CACNB4: variants seen among roughly 807,000 people sequenced by gnomAD.
The protein encoded by CACNB4 is calcium voltage-gated channel auxiliary subunit beta 4.
In CACNB4, 32 loss-of-function variants were observed where a neutral mutation model predicts 71.2. The ratio of observed to expected loss-of-function variants is 0.45; its 90% confidence interval spans 0.34 to 0.60. The LOEUF (loss-of-function observed/expected upper bound fraction) is 0.60, where lower values mean the gene tolerates loss of function less well. Among genes scored for constraint, CACNB4 ranks in the 20% least tolerant of loss-of-function variants. The probability of loss-of-function intolerance (pLI) is 0.01; values close to 1 mark genes in which losing one functional copy is unlikely to be tolerated. For missense variants in CACNB4, 464 were observed against 647.9 expected, an observed-to-expected ratio of 0.72 and a Z score of 3.08; for synonymous variants, 231 against 236.9, an observed-to-expected ratio of 0.97 and a Z score of 0.23.
chr2:152,013,768 G>A (rs2105080418), intron 2 of CACNB4, among the ~76,000 whole-genome samples: 1 of 152,326 alleles, frequency 6.6e-6, no homozygotes, highest in South Asian at 2.1e-4. Flanking sequence ...CTGGTAAGGA[G>A]GCTCACTCTG....
intron 2 of CACNB4, among the ~76,000 whole-genome samples, chr2:152,007,463 T>C (rs1279896665): frequency 1.3e-5 from 2 of 152,266 alleles, no homozygotes; most frequent in Non-Finnish European, 2.9e-5. Context: ...AGTGGAACCA[T>C]AAAACATTCT....
At chr2:151,996,073 C>A (rs1682025408) in intron 2 of CACNB4, among the ~76,000 whole-genome samples, 1 of 152,204 alleles carries the variant, frequency 6.6e-6, no homozygotes, top group South Asian at 2.1e-4. Flanking sequence ...CAAACACCAG[C>A]ACCAGACATG....
chr2:151,895,099 CACACACACA>C (rs2099851699), intron 2 of CACNB4, among the ~76,000 whole-genome samples: 6 of 19,160 alleles, frequency 3.1e-4, no homozygotes, highest in African/African-American at 1.4e-3. Flanking sequence ...AATAGCCCCA[CACACACACA>C]CACACACACA....
intron 2 of CACNB4, among the ~76,000 whole-genome samples, chr2:151,921,113 A>G (rs1024899858): frequency 1.3e-5 from 2 of 151,594 alleles, no homozygotes; most frequent in African/African-American, 4.8e-5. Context: ...CTCCAGCCTG[A>G]GCAACAGAGC....
intron 2 of CACNB4, among the ~76,000 whole-genome samples, chr2:152,043,418 G>C (rs576947563): frequency 6.6e-6 from 1 of 152,212 alleles, no homozygotes; most frequent in Non-Finnish European, 1.5e-5. Flanking sequence ...AAATTCCTGG[G>C]CTCAGGGATC....
At chr2:152,079,331 G>A (rs1026512456) in intron 2 of CACNB4, among the ~76,000 whole-genome samples, 11 of 151,830 alleles carry the variant, frequency 7.2e-5, no homozygotes, top group Admixed American at 2.6e-4. Context: ...CTCGTGATCC[G>A]CCTGCCTCAG....
intron 2 of CACNB4, among the ~76,000 whole-genome samples, chr2:152,013,977 AG>A (rs1319990754): frequency 6.6e-6 from 1 of 152,200 alleles, no homozygotes; most frequent in Non-Finnish European, 1.5e-5. Flanking sequence ...CACCTTTCCT[AG>A]CTGGCTGGGA....
intron 2 of CACNB4, among the ~76,000 whole-genome samples, chr2:152,041,087 A>G (rs751898334): frequency 2.0e-5 from 3 of 152,188 alleles, no homozygotes; most frequent in Non-Finnish European, 4.4e-5. Flanking sequence ...AAACACCATT[A>G]GGCCATTAGG....
intron 2 of CACNB4, among the ~76,000 whole-genome samples, chr2:151,947,190 T>G (rs971894636): frequency 3.3e-5 from 5 of 152,200 alleles, no homozygotes; most frequent in Non-Finnish European, 5.9e-5. Context: ...CGTCATCCTG[T>G]AACACAGGGT....
intron 2 of CACNB4, among the ~76,000 whole-genome samples, chr2:151,961,390 A>G (rs1001013233): frequency 3.3e-5 from 5 of 152,208 alleles, no homozygotes; most frequent in South Asian, 2.1e-4. Flanking sequence ...CAAAACTAAC[A>G]TTTAAATCTT....
chr2:152,090,615 CCT>C (rs1687915104), intron 2 of CACNB4, among the ~76,000 whole-genome samples: 1 of 150,680 alleles, frequency 6.6e-6, no homozygotes, highest in East Asian at 2.0e-4. Context: ...TGCACTCCAG[CCT>C]GGGCAACAAC....
At chr2:151,942,513 G>A (rs1578895679) in intron 2 of CACNB4, among the ~76,000 whole-genome samples, 1 of 148,728 alleles carries the variant, frequency 6.7e-6, no homozygotes, top group Non-Finnish European at 1.5e-5. Context: ...AAATAACAGC[G>A]ATTTTTAGGG....
At chr2:151,874,910 G>A in intron 5 of CACNB4, 1 of 399,048 alleles carries the variant, frequency 2.5e-6, no homozygotes, top group Non-Finnish European at 4.4e-6. Context: ...CTCACTAGAG[G>A]TTGATTCACC....
chr2:151,963,781 T>A (rs1012275963), intron 2 of CACNB4, among the ~76,000 whole-genome samples: 2 of 152,284 alleles, frequency 1.3e-5, no homozygotes, highest in Non-Finnish European at 2.9e-5. Context: ...TGTAAAAGAA[T>A]GTTGGGCCAG....
At chr2:152,049,699 A>C (rs1000950948) in intron 2 of CACNB4, among the ~76,000 whole-genome samples, 1 of 152,112 alleles carries the variant, frequency 6.6e-6, no homozygotes, top group African/African-American at 2.4e-5. Flanking sequence ...TAATATCCGA[A>C]TCTACAGAAA....
intron 2 of CACNB4, among the ~76,000 whole-genome samples, chr2:151,921,138 A>AAACTAAAT (rs1344830141): frequency 7.3e-6 from 1 of 137,560 alleles, no homozygotes; most frequent in African/African-American, 2.7e-5. Context: ...CTCCGTCTCA[A>AAACTAAAT]AAATAAATAA....
intron 2 of CACNB4, among the ~76,000 whole-genome samples, chr2:152,006,763 G>A (rs1259916376): frequency 1.3e-5 from 2 of 152,036 alleles, no homozygotes; most frequent in African/African-American, 2.4e-5. Context: ...TCATTCATAC[G>A]AACCCTACAT....
At chr2:152,063,917 G>A (rs1281723922) in intron 2 of CACNB4, among the ~76,000 whole-genome samples, 4 of 152,130 alleles carry the variant, frequency 2.6e-5, no homozygotes, top group Non-Finnish European at 5.9e-5. Context: ...TCAAATCTTG[G>A]CAGTCATTCA....
chr2:152,044,368 G>A (rs957350019), intron 2 of CACNB4, among the ~76,000 whole-genome samples: 1 of 151,996 alleles, frequency 6.6e-6, no homozygotes, highest in Non-Finnish European at 1.5e-5. Context: ...TTACAGGTGC[G>A]CATCACCATG....
Sources: allele counts gnomAD v4.1 joint callset (sites outside exome capture counted in the v4.1 genomes callset), GRCh38; gene constraint gnomAD v4.1.1; transcripts MANE v1.5; gene names NCBI Gene and HGNC (gene_info 2026-07-23, HGNC 2026-07-21).